ALK: variants seen among roughly 807,000 people sequenced by gnomAD.
ALK encodes ALK tyrosine kinase receptor.
Under a neutral mutation model 163.1 loss-of-function variants are expected in ALK, and 74 were observed. The ratio of observed to expected loss-of-function variants is 0.45; its 90% CI spans 0.38 to 0.55. The LOEUF is 0.55. Ranked by LOEUF, ALK falls within the 20% of genes least tolerant of loss-of-function variation. ALK has a pLI of 0.00. For missense variants in ALK, 2,063 were observed against 2,105.3 expected (o/e 0.98, Z 0.39); for synonymous variants, 960 against 843.2 (o/e 1.14, Z -2.40).
At chr2:29,903,843 C>A (rs147952785) in intron 1 of ALK, among the ~76,000 whole-genome samples, 1 of 152,084 alleles carries the variant, frequency 6.6e-6, no homozygotes, top group East Asian at 1.9e-4. Context: ...GAAATTCTAA[C>A]GGACCCTGCA....
chr2:29,770,145 A>T (rs1242789026), intron 1 of ALK, among the ~76,000 whole-genome samples: 3 of 152,242 alleles, frequency 2.0e-5, no homozygotes, highest in Non-Finnish European at 4.4e-5. Context: ...GACACCAGGC[A>T]CAGTTAGAGG....
chr2:29,665,115 C>T (rs1402133848), intron 3 of ALK, among the ~76,000 whole-genome samples: 1 of 151,312 alleles, frequency 6.6e-6, no homozygotes, highest in Non-Finnish European at 1.5e-5. Flanking sequence ...ATCCTCCTGC[C>T]TCCACCCCCC....
At chr2:29,575,034 C>G (rs1306072403) in intron 3 of ALK, among the ~76,000 whole-genome samples, 1 of 152,198 alleles carries the variant, frequency 6.6e-6, no homozygotes. Flanking sequence ...TTTCCTCCTG[C>G]AAGTCCCTGT....
chr2:29,874,931 A>G (rs1423397684), intron 1 of ALK, among the ~76,000 whole-genome samples: 1 of 152,208 alleles, frequency 6.6e-6, no homozygotes, highest in East Asian at 1.9e-4. Flanking sequence ...AGAATCACCT[A>G]AAGAGCTTTA....
intron 1 of ALK, among the ~76,000 whole-genome samples, chr2:29,845,300 C>T (rs1297557391): frequency 6.6e-6 from 1 of 152,184 alleles, no homozygotes; most frequent in Non-Finnish European, 1.5e-5. Context: ...AGGGTGTTCC[C>T]TGGCACTTTA....
intron 4 of ALK, among the ~76,000 whole-genome samples, chr2:29,437,675 G>A (rs974069841): frequency 1.3e-5 from 2 of 152,152 alleles, no homozygotes; most frequent in African/African-American, 4.8e-5. Flanking sequence ...ATCCAATTCA[G>A]AGCAAAGTCC....
chr2:29,317,516 A>T (rs1220409051), intron 8 of ALK, among the ~76,000 whole-genome samples: 2 of 152,230 alleles, frequency 1.3e-5, no homozygotes, highest in Non-Finnish European at 2.9e-5. Context: ...TAAATACTGC[A>T]GTGCTTACTT....
At position 29,228,972 on chromosome 2, in the gene ALK, G is replaced by A. The variant is rs1236590521; in HGVS notation, c.2727C>T (p.Ala909=). The change falls in exon 16 of 29, where the codon GCC becomes GCT. Residue 909 remains alanine, a synonymous_variant. Transcript: ENST00000389048. ...TTGTCTCCCACCCCCACTTCTTCAT[G>A]GCCTGGGGGCAGGAATGTCCTCCGG... ...GATGGHSCPQ[A]MKKWGWETRG... 12 of 1,502,924 alleles carry A rather than the reference G, an allele frequency of 8.0e-6. No individual in the cohort carries two copies. Among genetic ancestry groups the A allele is most frequent in the Non-Finnish European group, 1.1e-5 (12 of 1,109,472 alleles). The allele number at this position is 1,502,924 out of a possible 1,614,324, so 93.1% of individuals were successfully genotyped here.
rs112035149 is a variant in ALK, at chr2:29,247,729, C to T, written c.2204+3376G>A. Among the ~76,000 whole-genome samples, 953 of 152,214 alleles carry T rather than the reference C, an allele frequency of 6.3e-3. 8 individuals carry two copies. Among genetic ancestry groups the T allele is most frequent in the African/African-American group, 0.022 (896 of 41,538 alleles). On this transcript the variant is annotated intron_variant, in intron 12 of 28. Transcript: ENST00000389048. Reference sequence around the variant, plus strand: ...CATGAAGTTGGGGCTTGGTAGCATTCGCTCCCTTCCCTTCACCTCCCCAGC... The same window carrying T: ...CATGAAGTTGGGGCTTGGTAGCATTTGCTCCCTTCCCTTCACCTCCCCAGC...
At chr2:29,323,936 G>A (rs954936470) in intron 6 of ALK, among the ~76,000 whole-genome samples, 5 of 152,212 alleles carry the variant, frequency 3.3e-5, no homozygotes, top group Admixed American at 3.3e-4. Flanking sequence ...TCAAAATGTG[G>A]TCCAGGGACC....
chr2:29,354,668 T>C (rs1408719053), intron 5 of ALK, among the ~76,000 whole-genome samples: 1 of 152,160 alleles, frequency 6.6e-6, no homozygotes, highest in African/African-American at 2.4e-5. Context: ...CTCACCTCTT[T>C]TGAGGAGCAA....
In ALK at chr2:29,441,801, G is replaced by A. The variant is rs561630483; in HGVS notation, c.1155-57942C>T. On this transcript the variant is annotated intron_variant, in intron 4 of 28. Transcript: ENST00000389048. The stretch of plus-strand genomic sequence containing the variant: ...TGTCTTTCCAAATTGGCAGGAACAG[G>A]ACTATCCACTGTTCCTCTGCAGCCC... Among the ~76,000 whole-genome samples, 25 of 152,242 alleles carry A rather than the reference G, an allele frequency of 1.6e-4. No individual in the cohort carries two copies. The South Asian group carries it at 5.2e-3, about 32-fold the overall frequency.
chr2:29,836,897 G>A (rs146067849), intron 1 of ALK, among the ~76,000 whole-genome samples: 1,918 of 152,162 alleles, frequency 0.013, 43 homozygotes, highest in African/African-American at 0.044. Context: ...TTTCACTTTG[G>A]TCAAGATAAA....
chr2:29,270,155 C>T lies in ALK; in HGVS notation c.2041+4944G>A, dbSNP rs142534447. Among the ~76,000 whole-genome samples, 573 of 152,308 alleles carry T rather than the reference C, an allele frequency of 3.8e-3. 1 individual carries two copies. Among genetic ancestry groups the T allele is most frequent in the African/African-American group, 0.013 (542 of 41,550 alleles). ...ATTCAGTAATGAAAGAGAGATCCCT[C>T]TCGAAGACCTATTCAATAATGGGAT... On this transcript the variant is annotated intron_variant, in intron 11 of 28. Transcript: ENST00000389048.
intron 5 of ALK, among the ~76,000 whole-genome samples, chr2:29,339,865 G>A (rs1667738679): frequency 6.6e-6 from 1 of 152,208 alleles, no homozygotes; most frequent in East Asian, 1.9e-4. Flanking sequence ...CTAGGACAAA[G>A]TCAGTCTCCG....
At chr2:29,531,793 TG>T in intron 4 of ALK, 121 bp downstream of exon 4, 1 of 1,046,272 alleles carries the variant, frequency 9.6e-7, no homozygotes, top group Non-Finnish European at 1.5e-6. Context: ...TTGCTCAACC[TG>T]GACCTACCGA....
intron 4 of ALK, among the ~76,000 whole-genome samples, chr2:29,508,006 C>T (rs903413455): frequency 2.6e-5 from 4 of 152,168 alleles, no homozygotes; most frequent in Admixed American, 2.0e-4. Context: ...TCATGACTTA[C>T]ATGTCTTGCG....
At chr2:29,450,475 T>A (rs964574324) in intron 4 of ALK, among the ~76,000 whole-genome samples, 11 of 152,066 alleles carry the variant, frequency 7.2e-5, no homozygotes, top group Non-Finnish European at 1.5e-5. Context: ...CTCAGAGTTT[T>A]TGGTTGTGTG....
chr2:29,636,463 T>C (rs4041384), intron 3 of ALK, among the ~76,000 whole-genome samples: 96,841 of 151,984 alleles, frequency 0.64, 31,846 homozygotes, highest in Middle Eastern at 0.75. Flanking sequence ...AAATGAATCA[T>C]GGACTTAAAT....
Sources: allele counts gnomAD v4.1 joint callset (sites outside exome capture counted in the v4.1 genomes callset), GRCh38; gene constraint gnomAD v4.1.1; transcripts MANE v1.5; gene names NCBI Gene and HGNC (gene_info 2026-07-23, HGNC 2026-07-21).